MEIS2: variants seen among roughly 807,000 people sequenced by gnomAD.
The protein encoded by MEIS2 is homeobox protein Meis2.
MEIS2 carries 9 observed loss-of-function variants against 58.6 expected under a neutral mutation model. The observed-to-expected ratio is 0.15, with a 90% CI of 0.09 to 0.27. The LOEUF (loss-of-function observed/expected upper bound fraction) is 0.27, where lower values mean the gene tolerates loss of function less well. Ranked by LOEUF, MEIS2 falls within the 10% of genes least tolerant of loss-of-function variation. MEIS2 has a pLI of 1.00. For missense variants in MEIS2, 427 were observed against 635.0 expected, an observed-to-expected ratio of 0.67 and a Z score of 3.52; for synonymous variants, 221 against 228.4, an observed-to-expected ratio of 0.97 and a Z score of 0.29.
chr15:37,052,071 C>T (rs2141811328), intron 7 of MEIS2, among the ~76,000 whole-genome samples: 1 of 152,238 alleles, frequency 6.6e-6, no homozygotes, highest in Admixed American at 6.5e-5. Flanking sequence ...AGTCTTAACC[C>T]ATTCCTTCTA....
chr15:36,913,584 A>G (rs1319757548), intron 9 of MEIS2, among the ~76,000 whole-genome samples: 1 of 152,240 alleles, frequency 6.6e-6, no homozygotes, highest in East Asian at 1.9e-4. Flanking sequence ...TATAGAACAG[A>G]GTAAAAAAAA....
intron 9 of MEIS2, among the ~76,000 whole-genome samples, chr15:36,919,053 A>G (rs2057391657): frequency 6.6e-6 from 1 of 151,922 alleles, no homozygotes; most frequent in East Asian, 1.9e-4. Context: ...TGAGTTTAGG[A>G]GTTTGAGTCC....
At chr15:37,065,179 G>T (rs772192211) in intron 7 of MEIS2, among the ~76,000 whole-genome samples, 3 of 152,112 alleles carry the variant, frequency 2.0e-5, no homozygotes, top group Non-Finnish European at 4.4e-5. Flanking sequence ...TAGGTAGGTG[G>T]CAGTTTAAGC....
chr15:36,936,921 T>C (rs16964365), intron 9 of MEIS2, among the ~76,000 whole-genome samples: 9,980 of 152,302 alleles, frequency 0.066, 731 homozygotes, highest in East Asian at 0.17. Flanking sequence ...GGTTCCTCTG[T>C]ATTAGTGTTA....
chr15:36,939,959 C>T (rs770677287), intron 9 of MEIS2, among the ~76,000 whole-genome samples: 32 of 152,144 alleles, frequency 2.1e-4, no homozygotes, highest in Non-Finnish European at 2.5e-4. Context: ...AGATAAATTG[C>T]GATGGCAGGA....
rs144188518 is a variant in MEIS2, at chr15:36,910,679, A to G, written c.978-13993T>C. On this transcript the variant is annotated intron_variant, in intron 9 of 11. Transcript: ENST00000561208. ...CTTGTTTATATCTAACCTGTTCATA[A>G]GTACCCCATGACTACCCCAAATATG... Among the ~76,000 whole-genome samples the G allele has an allele frequency of 7.8e-3, 1,193 of 152,338 alleles. 9 individuals carry two copies. The highest frequency in any genetic ancestry group is 0.014 in the Middle Eastern group (4 of 294).
chr15:37,020,170 G>A (rs891231940), intron 8 of MEIS2, among the ~76,000 whole-genome samples: 1 of 152,092 alleles, frequency 6.6e-6, no homozygotes, highest in East Asian at 1.9e-4. Context: ...CGGGTCCTGT[G>A]GAGAGCGGGG....
intron 9 of MEIS2, among the ~76,000 whole-genome samples, chr15:36,904,631 T>A (rs543745757): frequency 5.5e-3 from 322 of 58,744 alleles, no homozygotes; most frequent in African/African-American, 0.018. Flanking sequence ...AAGGATTACA[T>A]TTTCTTCTTT....
intron 8 of MEIS2, among the ~76,000 whole-genome samples, chr15:37,024,328 C>A (rs751918240): frequency 1.1e-3 from 165 of 152,286 alleles, no homozygotes; most frequent in Non-Finnish European, 1.8e-3. Context: ...CACCTCTTCA[C>A]ATATAGTCTT....
chr15:36,901,339 C>T (rs1457732134), intron 9 of MEIS2, among the ~76,000 whole-genome samples: 1 of 152,202 alleles, frequency 6.6e-6, no homozygotes, highest in East Asian at 1.9e-4. Context: ...AAGTATTTCT[C>T]TGTGCTATGG....
At chr15:36,944,892 G>A (rs184835053) in intron 9 of MEIS2, among the ~76,000 whole-genome samples, 7 of 151,928 alleles carry the variant, frequency 4.6e-5, no homozygotes, top group African/African-American at 1.7e-4. Flanking sequence ...TTTCTCTCTT[G>A]AGATAAAAGT....
At chr15:37,008,680 G>T (rs1042208958) in intron 8 of MEIS2, among the ~76,000 whole-genome samples, 3 of 152,154 alleles carry the variant, frequency 2.0e-5, no homozygotes, top group Non-Finnish European at 4.4e-5. Context: ...TTTGCCATTT[G>T]CTAGAAAATT....
intron 8 of MEIS2, among the ~76,000 whole-genome samples, chr15:36,982,440 G>A (rs764356784): frequency 1.2e-4 from 18 of 152,202 alleles, no homozygotes; most frequent in Non-Finnish European, 2.2e-4. Flanking sequence ...CTAGCATAAT[G>A]TCTTCCAGCT....
At chr15:37,071,380 T>C (rs986819605) in intron 7 of MEIS2, among the ~76,000 whole-genome samples, 1 of 152,028 alleles carries the variant, frequency 6.6e-6, no homozygotes, top group African/African-American at 2.4e-5. Context: ...GGCTTGGGGC[T>C]TGGGGCCAGG....
chr15:37,073,853 A>G (rs1393787276), intron 7 of MEIS2, among the ~76,000 whole-genome samples: 2 of 152,094 alleles, frequency 1.3e-5, no homozygotes, highest in African/African-American at 2.4e-5. Flanking sequence ...GGCAAGAGTC[A>G]TATCTCCAGC....
rs756892534 is a variant in MEIS2 at position 36,891,373 on chromosome 15, T to A, written c.*800A>T. 6.6e-6 allele frequency: 1 copy of A among 152,006 alleles called. No individual in the cohort carries two copies. Among genetic ancestry groups the A allele is most frequent in the Admixed American group, 6.6e-5 (1 of 15,194 alleles). The allele number at this position is 152,006 out of a possible 1,614,324, so 9.4% of individuals were successfully genotyped here. On this transcript the variant is annotated 3_prime_UTR_variant, in exon 12 of 12. Coordinates refer to ENST00000561208, the MANE Select transcript of MEIS2 (RefSeq NM_170675.5). ...TATCCCCCAAGCTTTGAGTTTCTGA[T>A]AAAGTCCTAGTTATGGTTCAATGAC...
At chr15:37,010,056 T>C (rs911866450) in intron 8 of MEIS2, among the ~76,000 whole-genome samples, 11 of 152,096 alleles carry the variant, frequency 7.2e-5, no homozygotes, top group Admixed American at 1.3e-4. Context: ...GCCTGAAAAA[T>C]AATCCTGGAA....
chr15:37,080,122 C>T (rs1433814285), intron 7 of MEIS2, among the ~76,000 whole-genome samples: 1 of 152,132 alleles, frequency 6.6e-6, no homozygotes. Context: ...ATTAAAACAG[C>T]ATATTCCATT....
At chr15:36,965,326 A>G (rs922633480) in intron 8 of MEIS2, among the ~76,000 whole-genome samples, 3 of 152,216 alleles carry the variant, frequency 2.0e-5, no homozygotes, top group Non-Finnish European at 4.4e-5. Flanking sequence ...CAGATAAAAT[A>G]ATTATGTGAT....
Sources: allele counts gnomAD v4.1 joint callset (sites outside exome capture counted in the v4.1 genomes callset), GRCh38; gene constraint gnomAD v4.1.1; transcripts MANE v1.5; gene names NCBI Gene and HGNC (gene_info 2026-07-23, HGNC 2026-07-21).